Variants in CADM2 observed in about 807,000 individuals in gnomAD.
The protein encoded by CADM2 is cell adhesion molecule 2.
Under a neutral mutation model 49.8 loss-of-function variants are expected in CADM2, and 12 were observed. The ratio of observed to expected loss-of-function variants is 0.24; its 90% CI spans 0.15 to 0.39. The LOEUF (loss-of-function observed/expected upper bound fraction) is 0.39, where lower values mean the gene tolerates loss of function less well. Ranked by LOEUF, CADM2 falls within the 10% of genes least tolerant of loss-of-function variation. The pLI is 1.00. For missense variants in CADM2, 378 were observed against 492.3 expected, an observed-to-expected ratio of 0.77 and a Z score of 2.20; for synonymous variants, 214 against 175.4, an observed-to-expected ratio of 1.22 and a Z score of -1.74.
chr3:84,959,638 T>G lies in CADM2; in HGVS notation c.31T>G (p.Phe11Val). Residue 11 changes from phenylalanine to valine, a missense_variant, in exon 1 of 10, where the codon TTC (phenylalanine) becomes GTC (valine). By Grantham distance (50) the Phe-to-Val change is conservative (BLOSUM62 -1). Coordinates refer to ENST00000383699, the MANE Select transcript of CADM2 (RefSeq NM_001167675.2). Reference protein sequence around the residue: MIWKRSAVLRFYSVCGLLLQA... With the variant: MIWKRSAVLRVYSVCGLLLQA... ...TTGGAAACGCAGCGCCGTTCTCCGC[T>G]TCTACAGTGTCTGCGGGCTCCTGCT... 1 of 1,537,116 alleles carries G rather than the reference T, an allele frequency of 6.5e-7. No homozygotes were observed. Among genetic ancestry groups the G allele is most frequent in the Non-Finnish European group, 8.7e-7 (1 of 1,146,888 alleles).
At chr3:84,999,771 A>G (rs1409915954) in intron 1 of CADM2, among the ~76,000 whole-genome samples, 1 of 152,130 alleles carries the variant, frequency 6.6e-6, no homozygotes, top group Non-Finnish European at 1.5e-5. Context: ...AGTTTTATTG[A>G]GTAGGCAAAT....
rs545586644 is a variant in CADM2 at position 85,862,870 on chromosome 3, A to G, written c.239-20421A>G. 5.9e-5 allele frequency among the ~76,000 whole-genome samples: 9 copies of G among 152,308 alleles called. No individual in the cohort carries two copies. The East Asian group carries it at 1.7e-3, about 29-fold the overall frequency. Reference sequence around the variant, plus strand: ...GATGATGTCTTTTCTAGTGATTGAAAAAATGGAGGCATAAGAACAACTCAA... The same window carrying G: ...GATGATGTCTTTTCTAGTGATTGAAGAAATGGAGGCATAAGAACAACTCAA... On this transcript the variant is annotated intron_variant, in intron 3 of 9. Coordinates refer to ENST00000383699, the MANE Select transcript of CADM2 (RefSeq NM_001167675.2).
chr3:85,274,383 A>G (rs750378839), intron 1 of CADM2, among the ~76,000 whole-genome samples: 13 of 151,510 alleles, frequency 8.6e-5, no homozygotes, highest in Non-Finnish European at 1.8e-4. Flanking sequence ...GGAGGAGAGA[A>G]TTGCTACAGT....
At position 85,541,750 on chromosome 3, in the gene CADM2, ATATTTTATATATATATTT is replaced by A. The variant is rs796657283; in HGVS notation, c.62-184768_62-184751del. Among the ~76,000 whole-genome samples, 4 of 26,904 alleles carry A rather than the reference ATATTTTATATATATATTT, an allele frequency of 1.5e-4. No homozygotes were observed. In the Admixed American group the frequency reaches 3.2e-3, roughly 22 times the overall value. 17.7% of individuals were successfully genotyped at this position (26,904 alleles called of 152,430 possible). On this transcript the variant is annotated intron_variant, in intron 1 of 9. Coordinates refer to ENST00000383699, the MANE Select transcript of CADM2 (RefSeq NM_001167675.2). ...TATATATTTTATATATATATTTTATATATTTTATATATATATTTTATATTTTATATATATATATATATA... is the reference window on the plus strand; with the variant it reads ...TATATATTTTATATATATATTTTATATATATTTTATATATATATATATATA...
chr3:85,419,063 C>G (rs1049780991), intron 1 of CADM2, among the ~76,000 whole-genome samples: 4 of 152,122 alleles, frequency 2.6e-5, no homozygotes, highest in Non-Finnish European at 5.9e-5. Context: ...TTAAACTGCC[C>G]TGATTTATGA....
chr3:85,604,793 G>T (rs2107417301), intron 1 of CADM2, among the ~76,000 whole-genome samples: 1 of 152,068 alleles, frequency 6.6e-6, no homozygotes. Context: ...ATCACTGCTG[G>T]ATTCTGATAG....
At chr3:85,930,159 A>T (rs551597958) in intron 6 of CADM2, among the ~76,000 whole-genome samples, 1 of 152,272 alleles carries the variant, frequency 6.6e-6, no homozygotes, top group African/African-American at 2.4e-5. Flanking sequence ...CCAAAATCAG[A>T]TGAGTAAAAA....
intron 8 of CADM2, among the ~76,000 whole-genome samples, chr3:86,049,286 T>A (rs1296807904): frequency 1.3e-5 from 2 of 151,240 alleles, no homozygotes; most frequent in African/African-American, 4.9e-5. Flanking sequence ...TTTTTATTTT[T>A]TTTTTTGAGA....
chr3:85,910,608 A>G (rs1202007409), intron 5 of CADM2, among the ~76,000 whole-genome samples: 1 of 152,058 alleles, frequency 6.6e-6, no homozygotes, highest in Non-Finnish European at 1.5e-5. Flanking sequence ...TCTGCGTATA[A>G]TTTTGTATCC....
intron 3 of CADM2, among the ~76,000 whole-genome samples, chr3:85,882,254 A>T (rs1712924569): frequency 6.7e-6 from 1 of 150,292 alleles, no homozygotes; most frequent in Admixed American, 6.7e-5. Context: ...AGTCTTAGGC[A>T]TCCTAGAAAA....
At chr3:85,409,627 C>T (rs564979388) in intron 1 of CADM2, among the ~76,000 whole-genome samples, 1 of 152,116 alleles carries the variant, frequency 6.6e-6, no homozygotes, top group Non-Finnish European at 1.5e-5. Flanking sequence ...ATTTTGAAAG[C>T]GTACTGGAGG....
chr3:86,010,213 T>C (rs758649028), intron 8 of CADM2, among the ~76,000 whole-genome samples: 1 of 151,982 alleles, frequency 6.6e-6, no homozygotes, highest in African/African-American at 2.4e-5. Context: ...GGTCAAATAA[T>C]ATTCATCTGA....
At chr3:85,549,228 G>A (rs73843649) in intron 1 of CADM2, among the ~76,000 whole-genome samples, 2,394 of 152,120 alleles carry the variant, frequency 0.016, 75 homozygotes, top group African/African-American at 0.054. Context: ...CACACAGAAG[G>A]GCAGAGCAAC....
At chr3:85,462,016 A>T (rs2038269675) in intron 1 of CADM2, among the ~76,000 whole-genome samples, 1 of 152,182 alleles carries the variant, frequency 6.6e-6, no homozygotes. Context: ...ATTAGATAGA[A>T]ACATTAACAG....
chr3:85,904,722 C>G (rs901762790), intron 5 of CADM2, among the ~76,000 whole-genome samples: 1 of 151,954 alleles, frequency 6.6e-6, no homozygotes, highest in Non-Finnish European at 1.5e-5. Context: ...CAGGAGTTGC[C>G]CCCAATTTCT....
chr3:85,376,671 G>T (rs763818748), intron 1 of CADM2, among the ~76,000 whole-genome samples: 1 of 151,834 alleles, frequency 6.6e-6, no homozygotes, highest in African/African-American at 2.4e-5. Context: ...TCACTAATGC[G>T]ACATCCTGAT....
intron 1 of CADM2, among the ~76,000 whole-genome samples, chr3:85,515,334 A>G (rs2060865711): frequency 1.3e-5 from 2 of 151,818 alleles, no homozygotes; most frequent in Non-Finnish European, 2.9e-5. Context: ...AGATAACACC[A>G]TCTTTTTTTG....
At chr3:85,485,698 C>T (rs1292741071) in intron 1 of CADM2, among the ~76,000 whole-genome samples, 1 of 151,964 alleles carries the variant, frequency 6.6e-6, no homozygotes, top group Non-Finnish European at 1.5e-5. Flanking sequence ...CTATTTATTG[C>T]ATTGAATAAA....
chr3:85,072,225 T>A (rs375017939), intron 1 of CADM2, among the ~76,000 whole-genome samples: 3 of 151,862 alleles, frequency 2.0e-5, no homozygotes, highest in African/African-American at 7.2e-5. Context: ...TCAGAAAAAA[T>A]TCCCCTGAAA....
Sources: allele counts gnomAD v4.1 joint callset (sites outside exome capture counted in the v4.1 genomes callset), GRCh38; gene constraint gnomAD v4.1.1; transcripts MANE v1.5; gene names NCBI Gene and HGNC (gene_info 2026-07-23, HGNC 2026-07-21).